RIMS2: variants seen among roughly 807,000 people sequenced by gnomAD.
RIMS2 encodes regulating synaptic membrane exocytosis protein 2.
A neutral mutation model predicts 174.4 loss-of-function variants in RIMS2; 59 were observed. The ratio of observed to expected loss-of-function variants is 0.34; its 90% CI spans 0.27 to 0.42. RIMS2 has a LOEUF of 0.42. RIMS2 is among the 10% of genes least tolerant of loss of function. RIMS2 has a pLI of 1.00. For synonymous variants in RIMS2, 606 were observed against 572.5 expected (o/e 1.06, Z -0.84); for missense variants, 1,620 against 1,666.3 (o/e 0.97, Z 0.48).
chr8:103,618,669 A>C (rs562982566), intron 1 of RIMS2, among the ~76,000 whole-genome samples: 2 of 152,068 alleles, frequency 1.3e-5, no homozygotes, highest in South Asian at 2.1e-4. Context: ...CCCTGACTAC[A>C]TGTTTCCTTA....
At chr8:103,866,036 T>C (rs1156287004) in intron 3 of RIMS2, among the ~76,000 whole-genome samples, 4 of 152,174 alleles carry the variant, frequency 2.6e-5, no homozygotes, top group East Asian at 1.9e-4. Context: ...AGTTTCACTT[T>C]TCCAGATTAG....
chr8:104,208,213 A>G (rs143791067), intron 19 of RIMS2, among the ~76,000 whole-genome samples: 1 of 152,326 alleles, frequency 6.6e-6, no homozygotes, highest in African/African-American at 2.4e-5. Context: ...GTAGGAATTG[A>G]CTGACCTTTA....
At chr8:103,952,251 G>C (rs960480833) in intron 14 of RIMS2, among the ~76,000 whole-genome samples, 7 of 152,194 alleles carry the variant, frequency 4.6e-5, no homozygotes, top group African/African-American at 1.7e-4. Context: ...CACAGTGTTT[G>C]AGCTCCGATA....
At position 103,696,470 on chromosome 8, in the gene RIMS2, A is replaced by G. The variant is rs148762061; in HGVS notation, c.177-616A>G. Among the ~76,000 whole-genome samples the G allele has an allele frequency of 4.2e-3, 642 of 152,312 alleles. 4 individuals carry two copies. Among genetic ancestry groups the G allele is most frequent in the African/African-American group, 0.015 (611 of 41,568 alleles). On this transcript the variant is annotated intron_variant, in intron 1 of 23. Transcript: ENST00000504942. ...TAATATTGTAAATATTTTAGAGCATATGATTGAAAATGTACTCCAAATGGA... is the reference window on the plus strand; with the variant it reads ...TAATATTGTAAATATTTTAGAGCATGTGATTGAAAATGTACTCCAAATGGA...
chr8:103,894,249 G>C (rs1315755976), intron 4 of RIMS2, among the ~76,000 whole-genome samples: 1 of 148,884 alleles, frequency 6.7e-6, no homozygotes, highest in Non-Finnish European at 1.5e-5. Context: ...TACTTTACTT[G>C]GTGTCAAAAG....
intron 19 of RIMS2, among the ~76,000 whole-genome samples, chr8:104,217,341 T>C (rs2099135032): frequency 6.6e-6 from 1 of 152,142 alleles, no homozygotes; most frequent in Admixed American, 6.5e-5. Flanking sequence ...TGAACATGGC[T>C]CACTGCAACT....
chr8:104,161,629 T>C (rs942830738), intron 19 of RIMS2, among the ~76,000 whole-genome samples: 10 of 152,226 alleles, frequency 6.6e-5, no homozygotes, highest in Non-Finnish European at 8.8e-5. Flanking sequence ...TGTATCAGTT[T>C]CCTATTGAGG....
intron 2 of RIMS2, among the ~76,000 whole-genome samples, chr8:103,726,568 G>A (rs2097529669): frequency 6.6e-6 from 1 of 151,380 alleles, no homozygotes; most frequent in Non-Finnish European, 1.5e-5. Flanking sequence ...GTTTTTTACT[G>A]GGATCACATT....
chr8:104,195,673 C>G (rs1587036307), intron 19 of RIMS2, among the ~76,000 whole-genome samples: 2 of 152,002 alleles, frequency 1.3e-5, no homozygotes, highest in Admixed American at 6.6e-5. Flanking sequence ...CGTCGCCATG[C>G]CTGGCTAATT....
chr8:103,617,406 C>A (rs1589124510), intron 1 of RIMS2, among the ~76,000 whole-genome samples: 2 of 152,248 alleles, frequency 1.3e-5, no homozygotes, highest in Admixed American at 1.3e-4. Context: ...ACTATAAAAA[C>A]CCTGGAAGAA....
intron 1 of RIMS2, among the ~76,000 whole-genome samples, chr8:103,640,896 C>T (rs1308180138): frequency 6.6e-6 from 1 of 152,030 alleles, no homozygotes; most frequent in Non-Finnish European, 1.5e-5. Context: ...ATTTCAACTA[C>T]ATCTTCACTG....
At chr8:103,686,486 T>C (rs746280919) in intron 1 of RIMS2, among the ~76,000 whole-genome samples, 1 of 152,174 alleles carries the variant, frequency 6.6e-6, no homozygotes, top group Non-Finnish European at 1.5e-5. Flanking sequence ...ATGCCTTTAC[T>C]GTGCTAAGGA....
At chr8:103,955,694 A>T (rs1051789973) in intron 14 of RIMS2, among the ~76,000 whole-genome samples, 3 of 152,220 alleles carry the variant, frequency 2.0e-5, no homozygotes, top group African/African-American at 7.2e-5. Flanking sequence ...CTGGCACAAG[A>T]CAAGGATGCC....
At chr8:103,610,495 C>T (rs77599781) in intron 1 of RIMS2, among the ~76,000 whole-genome samples, 8,286 of 152,072 alleles carry the variant, frequency 0.054, 296 homozygotes, top group Middle Eastern at 0.15. Flanking sequence ...ATTATTTTGA[C>T]GTATGTTCCT....
chr8:103,886,251 G>T (rs369319349), intron 4 of RIMS2, 28 bp downstream of exon 7: 5 of 1,565,114 alleles, frequency 3.2e-6, no homozygotes, highest in Middle Eastern at 1.7e-4. Context: ...ACATTTTGCT[G>T]TAATTGATTA....
intron 3 of RIMS2, among the ~76,000 whole-genome samples, chr8:103,768,026 AC>A (rs1391316022): frequency 8.5e-5 from 13 of 152,182 alleles, no homozygotes; most frequent in African/African-American, 1.9e-4. Flanking sequence ...ACAAACACTT[AC>A]AGTCAGCAGA....
intron 17 of RIMS2, among the ~76,000 whole-genome samples, chr8:104,009,443 G>A (rs2095687787): frequency 6.6e-6 from 1 of 151,810 alleles, no homozygotes; most frequent in South Asian, 2.1e-4. Flanking sequence ...ATAGGTGTTT[G>A]CCACCACACC....
chr8:104,109,249 A>G (rs1449783010), intron 19 of RIMS2, among the ~76,000 whole-genome samples: 1 of 144,122 alleles, frequency 6.9e-6, no homozygotes, highest in Non-Finnish European at 1.5e-5. Context: ...GTGAGCCGAG[A>G]TGGCACCATT....
At chr8:103,857,588 C>G (rs1303268715) in intron 3 of RIMS2, among the ~76,000 whole-genome samples, 3 of 150,140 alleles carry the variant, frequency 2.0e-5, no homozygotes, top group Non-Finnish European at 4.4e-5. Context: ...TTAGTTTAAT[C>G]TCAAAGTAGT....
Sources: gnomAD v4.1 joint callset for allele counts (sites outside exome capture counted in the v4.1 genomes callset) on GRCh38, gnomAD v4.1.1 for gene constraint, MANE v1.5 for transcripts, NCBI Gene and HGNC (gene_info 2026-07-23, HGNC 2026-07-21) for gene names.